Variants in DEPTOR observed in about 807,000 individuals in gnomAD.
DEPTOR encodes DEP domain-containing mTOR-interacting protein.
DEPTOR carries 41 observed loss-of-function variants against 41.6 expected under a neutral mutation model. The observed-to-expected ratio is 0.98, with a 90% CI of 0.77 to 1.28. The LOEUF (loss-of-function observed/expected upper bound fraction) is 1.28, where lower values mean the gene tolerates loss of function less well. Among genes scored for constraint, DEPTOR ranks in the 50% most tolerant of loss-of-function variants. DEPTOR has a pLI of 0.00. For missense variants in DEPTOR, 514 were observed against 527.9 expected (o/e 0.97, Z 0.26); for synonymous variants, 195 against 192.3 (o/e 1.01, Z -0.12).
At chr8:119,957,664 C>A (rs987078904) in intron 3 of DEPTOR, among the ~76,000 whole-genome samples, 10 of 151,312 alleles carry the variant, frequency 6.6e-5, no homozygotes, top group African/African-American at 2.4e-4. Flanking sequence ...TCTTGGCTCA[C>A]TGCAACCTCC....
chr8:119,905,295 T>C (rs1827648306), intron 1 of DEPTOR, among the ~76,000 whole-genome samples: 2 of 152,034 alleles, frequency 1.3e-5, no homozygotes, highest in Admixed American at 6.6e-5. Flanking sequence ...ATTTCTGCAA[T>C]AGAAGGATGT....
chr8:119,949,343 AGGT>A, intron 3 of DEPTOR, among the ~76,000 whole-genome samples: 1 of 152,186 alleles, frequency 6.6e-6, no homozygotes, highest in Non-Finnish European at 1.5e-5. Flanking sequence ...TTCATATGCA[AGGT>A]TTTCTGTGGA....
intron 7 of DEPTOR, 42 bp from the exon 8 acceptor site, chr8:120,008,987 G>T (rs372070231): frequency 6.3e-7 from 1 of 1,594,250 alleles, no homozygotes; most frequent in Non-Finnish European, 8.6e-7. Context: ...GCAAATTGCC[G>T]GAGACAGTCG....
At chr8:120,005,144 A>C (rs1812413826) in intron 6 of DEPTOR, among the ~76,000 whole-genome samples, 1 of 152,170 alleles carries the variant, frequency 6.6e-6, no homozygotes, top group Admixed American at 6.5e-5. Context: ...TCATGTATCC[A>C]AATTCATAAG....
chr8:119,974,329 T>TC (rs1828671198), intron 4 of DEPTOR, among the ~76,000 whole-genome samples: 1 of 151,958 alleles, frequency 6.6e-6, no homozygotes, highest in South Asian at 2.1e-4. Context: ...AATAATTTTT[T>TC]CTTTACTTTT....
Position 119,951,876 on chromosome 8 carries a change from C to T in DEPTOR, c.426-13356C>T, listed in dbSNP as rs933117313. ...AATTCAAGCTGAGTGTGGTGGCTCA[C>T]GCTGTAATTCCAGCACTTTGAGAGG... On this transcript the variant is annotated intron_variant, in intron 3 of 8. Coordinates refer to ENST00000286234, the MANE Select transcript of DEPTOR (RefSeq NM_022783.4). 7.6e-4 allele frequency among the ~76,000 whole-genome samples: 116 copies of T among 152,164 alleles called. 1 individual carries two copies. The highest frequency in any genetic ancestry group is 2.7e-3 in the African/African-American group (112 of 41,510).
chr8:120,048,678 G>A lies in DEPTOR; in HGVS notation c.1102-898G>A, dbSNP rs114226682. On this transcript the variant is annotated intron_variant, in intron 8 of 8. Transcript: ENST00000286234. ...TTTCCATTTTGTTTTGCCTGTGACC[G>A]TGAAAGAAGTGGGTATTTTTTGAAA... Among the ~76,000 whole-genome samples the A allele has an allele frequency of 7.2e-3, 1,097 of 152,184 alleles. 19 individuals carry two copies. Among genetic ancestry groups the A allele is most frequent in the African/African-American group, 0.024 (1,015 of 41,516 alleles).
intron 8 of DEPTOR, among the ~76,000 whole-genome samples, chr8:120,040,095 C>T (rs1433991988): frequency 1.3e-5 from 2 of 152,014 alleles, no homozygotes; most frequent in South Asian, 2.1e-4. Context: ...GCGCCTGCCT[C>T]GGCCTCCCAA....
chr8:119,912,516 T>A (rs1827758737), intron 1 of DEPTOR, among the ~76,000 whole-genome samples: 1 of 152,228 alleles, frequency 6.6e-6, no homozygotes, highest in African/African-American at 2.4e-5. Context: ...GCTGCGGATG[T>A]TCCTGAGAAC....
intron 5 of DEPTOR, 111 bp from the exon 6 acceptor site, chr8:120,002,866 G>A: frequency 1.6e-6 from 2 of 1,245,058 alleles, no homozygotes; most frequent in Admixed American, 6.0e-5. Context: ...CTGCCACTAA[G>A]ACCAGTGTGC....
intron 3 of DEPTOR, among the ~76,000 whole-genome samples, chr8:119,957,580 TTC>T (rs1554676217): frequency 3.5e-5 from 5 of 141,428 alleles, no homozygotes; most frequent in Admixed American, 1.4e-4. Flanking sequence ...TATTTTTTTT[TTC>T]TTTCTTTCTT....
chr8:119,944,821 A>AT (rs1251646762), intron 3 of DEPTOR, among the ~76,000 whole-genome samples: 2 of 151,768 alleles, frequency 1.3e-5, no homozygotes, highest in East Asian at 3.9e-4. Flanking sequence ...AGCCCAGCTA[A>AT]TTTTTTGTAT....
intron 1 of DEPTOR, among the ~76,000 whole-genome samples, chr8:119,888,713 A>G (rs978722202): frequency 6.6e-6 from 1 of 151,984 alleles, no homozygotes; most frequent in Non-Finnish European, 1.5e-5. Context: ...AAAATTAGCC[A>G]GGTGTGGTGG....
At chr8:120,016,361 C>T (rs533414028) in intron 8 of DEPTOR, among the ~76,000 whole-genome samples, 8 of 151,910 alleles carry the variant, frequency 5.3e-5, no homozygotes, top group South Asian at 2.1e-4. Flanking sequence ...TGTAATGGCC[C>T]GATCTCAGCT....
intron 1 of DEPTOR, among the ~76,000 whole-genome samples, chr8:119,900,689 C>T (rs1563960753): frequency 6.6e-6 from 1 of 151,918 alleles, no homozygotes; most frequent in Non-Finnish European, 1.5e-5. Flanking sequence ...GCACCTGGAC[C>T]TTACACTTTT....
At chr8:119,898,402 GTTGA>G (rs1281402536) in intron 1 of DEPTOR, among the ~76,000 whole-genome samples, 1 of 152,146 alleles carries the variant, frequency 6.6e-6, no homozygotes, top group Non-Finnish European at 1.5e-5. Flanking sequence ...AAGGTTTGGT[GTTGA>G]TTATGATAAT....
chr8:119,989,985 T>G (rs1308708170), intron 4 of DEPTOR, among the ~76,000 whole-genome samples: 1 of 152,226 alleles, frequency 6.6e-6, no homozygotes, highest in African/African-American at 2.4e-5. Flanking sequence ...TCTGAGATAT[T>G]CCATTTGCCG....
chr8:119,959,856 G>A (rs1161244510), intron 3 of DEPTOR, among the ~76,000 whole-genome samples: 4 of 151,998 alleles, frequency 2.6e-5, no homozygotes, highest in African/African-American at 9.7e-5. Flanking sequence ...AATGACTTCT[G>A]TTACATGCTG....
At chr8:120,005,261 G>A (rs967835775) in intron 6 of DEPTOR, among the ~76,000 whole-genome samples, 2 of 152,154 alleles carry the variant, frequency 1.3e-5, no homozygotes, top group Non-Finnish European at 2.9e-5. Context: ...TCCATCTGCT[G>A]AGAGATTCTG....
Sources: gnomAD v4.1 joint callset for allele counts (sites outside exome capture counted in the v4.1 genomes callset) on GRCh38, gnomAD v4.1.1 for gene constraint, MANE v1.5 for transcripts, NCBI Gene and HGNC (gene_info 2026-07-23, HGNC 2026-07-21) for gene names.